ST3GAL2: variants seen among roughly 807,000 people sequenced by gnomAD.
ST3GAL2 encodes the protein ST3 beta-galactoside alpha-2,3-sialyltransferase 2.
Under a neutral mutation model 37.5 loss-of-function variants are expected in ST3GAL2, and 16 were observed. That is an observed-to-expected ratio of 0.43 (90% confidence interval 0.29 to 0.65). The LOEUF (loss-of-function observed/expected upper bound fraction) is 0.65. ST3GAL2 is among the 30% of genes least tolerant of loss of function. The probability of loss-of-function intolerance (pLI) is 0.17; values close to 1 mark genes in which losing one functional copy is unlikely to be tolerated. For missense variants in ST3GAL2, 383 were observed against 487.8 expected, an observed-to-expected ratio of 0.79 and a Z score of 2.02; for synonymous variants, 238 against 202.9, an observed-to-expected ratio of 1.17 and a Z score of -1.47.
At chr16:70,437,032 G>C (rs546333014) in intron 1 of ST3GAL2, among the ~76,000 whole-genome samples, 1 of 152,164 alleles carries the variant, frequency 6.6e-6, no homozygotes, top group East Asian at 1.9e-4. Context: ...CTCGAGAAGA[G>C]TGGTCCTTAC....
At chr16:70,420,293 G>A (rs1297635630) in intron 1 of ST3GAL2, among the ~76,000 whole-genome samples, 2 of 152,070 alleles carry the variant, frequency 1.3e-5, no homozygotes, top group African/African-American at 4.8e-5. Flanking sequence ...CATGGCAAGA[G>A]GTAGGTCATA....
At position 70,398,473 on chromosome 16, in the gene ST3GAL2, T is replaced by C; in HGVS notation, c.58A>G (p.Met20Val). ...TGCGAGTAGGTGAAGAGCAGGGACA[T>C]GATGAACACCAGCAGGAAGGCCACG... ...LSVAFLLVFIMSLLFTYSHHS... is the reference protein window; with the variant it reads ...LSVAFLLVFIVSLLFTYSHHS... The change falls in exon 2 of 7, where the codon ATG becomes GTG. Residue 20 changes from methionine (M) to valine (V), a missense_variant. Met to Val is a conservative substitution (Grantham distance 21). This residue lies in a region of ST3GAL2 where 223 missense variants were observed against 239.1 expected (regional missense o/e 0.93). Coordinates refer to ENST00000342907, the MANE Select transcript of ST3GAL2 (RefSeq NM_006927.4). 1.9e-6 allele frequency: 3 copies of C among 1,613,370 alleles called. No individual in the cohort carries two copies. The highest frequency in any genetic ancestry group is 1.3e-5 in the African/African-American group (1 of 75,034).
chr16:70,388,423 G>T lies in ST3GAL2; in HGVS notation c.657C>A (p.Phe219Leu). 1 of 1,614,202 alleles carries T rather than the reference G, an allele frequency of 6.2e-7. No homozygotes were observed. Among genetic ancestry groups the T allele is most frequent in the East Asian group, 2.2e-5 (1 of 44,878 alleles). The change falls in exon 4 of 7, where the codon TTC (phenylalanine) becomes TTA (leucine). Residue 219 changes from phenylalanine to leucine, a missense_variant. Transcript: ENST00000342907. ...PANVSFVLVP[F>L]KVLDLLWIAS... ...CGATCCACAGAAGGTCCAGGACCTTGAAGGGCACCAGCACGAAGCTGACGT... is the reference window on the plus strand; with the variant it reads ...CGATCCACAGAAGGTCCAGGACCTTTAAGGGCACCAGCACGAAGCTGACGT...
chr16:70,389,782 TTTTG>T (rs762758013), intron 3 of ST3GAL2, among the ~76,000 whole-genome samples: 44 of 147,002 alleles, frequency 3.0e-4, no homozygotes, highest in East Asian at 4.1e-4. Context: ...TGTTTGGGTT[TTTTG>T]TTTGTTTGTT....
At chr16:70,428,645 C>A (rs373622602) in intron 1 of ST3GAL2, among the ~76,000 whole-genome samples, 2 of 152,238 alleles carry the variant, frequency 1.3e-5, no homozygotes, top group South Asian at 2.1e-4. Flanking sequence ...TCTGCTCAAA[C>A]TGGACTTCTC....
At chr16:70,401,925 CG>C (rs1175987773) in intron 1 of ST3GAL2, among the ~76,000 whole-genome samples, 2 of 133,674 alleles carry the variant, frequency 1.5e-5, no homozygotes, top group Non-Finnish European at 3.1e-5. Context: ...ACCCAGGAGG[CG>C]GAGGTTGCAG....
In ST3GAL2 at chr16:70,439,051, G is replaced by A. The variant is rs1247406431; in HGVS notation, c.-1106C>T. 6.2e-6 allele frequency: 1 copy of A among 162,442 alleles called. No homozygotes were observed. The highest frequency in any genetic ancestry group is 1.3e-5 in the Non-Finnish European group (1 of 78,396). 10.1% of individuals were successfully genotyped at this position (162,442 alleles called of 1,614,324 possible). ...CGCCGCCGCCGCCGCCGCCGCCGTC[G>A]TCCGGACCCGTTAGCTCGCAGCTCT... On this transcript the variant is annotated 5_prime_UTR_variant, in exon 1 of 7. In the 5' UTR this introduces an upstream ATG that the reference lacks. Coordinates refer to ENST00000342907, the MANE Select transcript of ST3GAL2 (RefSeq NM_006927.4).
chr16:70,405,774 C>CTG (rs1314226774), intron 1 of ST3GAL2, among the ~76,000 whole-genome samples: 1 of 151,606 alleles, frequency 6.6e-6, no homozygotes, highest in Non-Finnish European at 1.5e-5. Flanking sequence ...TTAAAAGCCA[C>CTG]TGACAGCCAG....
chr16:70,386,802 C>G (rs770088973), intron 4 of ST3GAL2, among the ~76,000 whole-genome samples: 1 of 152,154 alleles, frequency 6.6e-6, no homozygotes. Flanking sequence ...CATGCCACCA[C>G]GCCTAGCTAA....
At chr16:70,383,588 TG>T (rs2047421291) in intron 4 of ST3GAL2, among the ~76,000 whole-genome samples, 3 of 69,944 alleles carry the variant, frequency 4.3e-5, no homozygotes, top group Non-Finnish European at 6.6e-5. Flanking sequence ...AGGAGAGGGG[TG>T]GGGAGGGGAA....
Position 70,376,759 on chromosome 16 carries a change from T to C in ST3GAL2, c.*4930A>G, listed in dbSNP as rs1040525001. ...GGATGGGTAAAATACTTTTTTTTTT[T>C]TGAGACGGAGTCTTACTCTGTCGCT... is the stretch of plus-strand genomic sequence containing the variant. On this transcript the variant is annotated 3_prime_UTR_variant, in exon 7 of 7. Coordinates refer to ENST00000342907, the MANE Select transcript of ST3GAL2 (RefSeq NM_006927.4). The C allele has an allele frequency of 6.6e-6, 1 of 152,116 alleles. No homozygotes were observed. Among genetic ancestry groups the C allele is most frequent in the African/African-American group, 2.4e-5 (1 of 41,420 alleles). 9.4% of individuals were successfully genotyped at this position (152,116 alleles called of 1,614,324 possible).
chr16:70,407,222 C>T (rs1391855251), intron 1 of ST3GAL2, among the ~76,000 whole-genome samples: 1 of 151,362 alleles, frequency 6.6e-6, no homozygotes, highest in Admixed American at 6.6e-5. Flanking sequence ...CTCACTGCAA[C>T]CTCCACCTCC....
In ST3GAL2 at chr16:70,398,546, G is replaced by T. The variant is rs562210318; in HGVS notation, c.-16C>A. ...AGCACTTCATGGTGCCGGCAGGCGGGTGACGGTCACCGTGGCCACTCTTTT... is the reference window on the plus strand; with the variant it reads ...AGCACTTCATGGTGCCGGCAGGCGGTTGACGGTCACCGTGGCCACTCTTTT... On this transcript the variant is annotated 5_prime_UTR_variant, in exon 2 of 7. Transcript: ENST00000342907. 246 of 1,573,368 alleles carry T rather than the reference G, an allele frequency of 1.6e-4. 3 individuals carry two copies. In the South Asian group the frequency reaches 2.7e-3, roughly 17 times the overall value.
chr16:70,393,077 C>T (rs1006322655), intron 3 of ST3GAL2, among the ~76,000 whole-genome samples: 8 of 150,306 alleles, frequency 5.3e-5, no homozygotes, highest in Non-Finnish European at 8.8e-5. Context: ...TGTGAGGAAG[C>T]ATCTATAAAT....
In ST3GAL2 at chr16:70,411,814, G is replaced by C. The variant is rs1046727080; in HGVS notation, c.-1003-12281C>G. The stretch of plus-strand genomic sequence containing the variant: ...GTTCGAGAGCAGCCTGACCAACATG[G>C]AGAAACCCCGTCTCTACTGAAAATA... On this transcript the variant is annotated intron_variant, in intron 1 of 6. Transcript: ENST00000342907. Among the ~76,000 whole-genome samples the C allele has an allele frequency of 3.3e-5, 5 of 152,120 alleles. No homozygotes were observed. The East Asian group carries it at 5.8e-4, about 18-fold the overall frequency.
intron 1 of ST3GAL2, among the ~76,000 whole-genome samples, chr16:70,421,404 C>T (rs1301988909): frequency 6.6e-6 from 1 of 152,172 alleles, no homozygotes; most frequent in African/African-American, 2.4e-5. Context: ...TCCCTGCTGC[C>T]CATCCTCAAG....
chr16:70,408,515 C>T (rs2047609574), intron 1 of ST3GAL2, among the ~76,000 whole-genome samples: 1 of 152,052 alleles, frequency 6.6e-6, no homozygotes, highest in African/African-American at 2.4e-5. Flanking sequence ...CGCTTCACCA[C>T]CCTGCTTGGT....
intron 2 of ST3GAL2, among the ~76,000 whole-genome samples, chr16:70,397,097 A>G (rs113410889): frequency 6.9e-5 from 10 of 145,000 alleles, no homozygotes; most frequent in African/African-American, 1.6e-4. Context: ...CTGGAGTGCA[A>G]TGGTGCAATC....
intron 1 of ST3GAL2, among the ~76,000 whole-genome samples, chr16:70,414,968 G>C (rs2047665526): frequency 6.6e-6 from 1 of 152,208 alleles, no homozygotes; most frequent in African/African-American, 2.4e-5. Flanking sequence ...CCACCTCCCG[G>C]GTTCATGCCA....
Sources: gnomAD v4.1 joint callset for allele counts (sites outside exome capture counted in the v4.1 genomes callset) on GRCh38, gnomAD v4.1.1 for gene constraint, gnomAD v4.1.1 regional missense constraint, MANE v1.5 for transcripts, NCBI Gene and HGNC (gene_info 2026-07-23, HGNC 2026-07-21) for gene names.